The following PPP3CC variants were observed in gnomAD, a reference collection of about 807,000 sequenced individuals.
The protein encoded by PPP3CC is serine/threonine-protein phosphatase 2B catalytic subunit gamma isoform.
PPP3CC carries 35 observed loss-of-function variants against 60.3 expected under a neutral mutation model. The observed-to-expected ratio is 0.58, with a 90% confidence interval of 0.44 to 0.77. The LOEUF is 0.77. Ranked by LOEUF, PPP3CC falls within the 30% of genes least tolerant of loss-of-function variation. The pLI is 0.00. For missense variants in PPP3CC, 570 were observed against 628.9 expected, an observed-to-expected ratio of 0.91 and a Z score of 1.00; for synonymous variants, 206 against 224.3, an observed-to-expected ratio of 0.92 and a Z score of 0.73.
intron 4 of PPP3CC, among the ~76,000 whole-genome samples, chr8:22,509,476 A>G (rs1276856888): frequency 1.3e-5 from 2 of 152,148 alleles, no homozygotes; most frequent in African/African-American, 2.4e-5. Flanking sequence ...TTCTCTACCC[A>G]CACACATCCC....
At chr8:22,461,690 C>T (rs572647450) in intron 1 of PPP3CC, among the ~76,000 whole-genome samples, 206 of 151,824 alleles carry the variant, frequency 1.4e-3, no homozygotes, top group Non-Finnish European at 2.4e-3. Context: ...TAACATACAT[C>T]AGAAGAGCTG....
chr8:22,457,452 A>G (rs539497256), intron 1 of PPP3CC, among the ~76,000 whole-genome samples: 2 of 152,022 alleles, frequency 1.3e-5, no homozygotes, highest in African/African-American at 4.8e-5. Context: ...ACAGGTGCAC[A>G]CCACCATGCC....
At chr8:22,496,787 G>A (rs1838601028) in intron 3 of PPP3CC, among the ~76,000 whole-genome samples, 1 of 151,972 alleles carries the variant, frequency 6.6e-6, no homozygotes, top group Non-Finnish European at 1.5e-5. Context: ...GTAAGCCATT[G>A]TGCCCGGCTG....
intron 12 of PPP3CC, 103 bp downstream of exon 12, chr8:22,533,121 G>T: frequency 1.2e-6 from 1 of 818,474 alleles, no homozygotes; most frequent in Non-Finnish European, 1.8e-6. Flanking sequence ...CACGAGAGCA[G>T]TTGGTTATAC....
At chr8:22,519,643 G>A (rs769979147) in intron 6 of PPP3CC, among the ~76,000 whole-genome samples, 1 of 152,038 alleles carries the variant, frequency 6.6e-6, no homozygotes, top group African/African-American at 2.4e-5. Flanking sequence ...CACACCTAAT[G>A]TAATTAATTT....
intron 8 of PPP3CC, among the ~76,000 whole-genome samples, chr8:22,525,488 TTTC>T (rs1415750161): frequency 3.4e-5 from 5 of 148,196 alleles, no homozygotes; most frequent in African/African-American, 5.1e-5. Context: ...TCTGCTTCCT[TTTC>T]TTCTTTCTTT....
At chr8:22,442,577 G>A (rs1042842799) in intron 1 of PPP3CC, among the ~76,000 whole-genome samples, 1 of 152,104 alleles carries the variant, frequency 6.6e-6, no homozygotes, top group Non-Finnish European at 1.5e-5. Flanking sequence ...TAATTATAAT[G>A]GGATTTTTGA....
At chr8:22,528,625 G>T in intron 10 of PPP3CC, 48 bp downstream of exon 10, 6 of 1,336,512 alleles carry the variant, frequency 4.5e-6, no homozygotes, top group Non-Finnish European at 6.1e-6. Context: ...GTTTGGTTTT[G>T]GTTTTAGTTG....
intron 12 of PPP3CC, among the ~76,000 whole-genome samples, chr8:22,539,031 G>A (rs998393555): frequency 6.6e-6 from 1 of 151,992 alleles, no homozygotes; most frequent in African/African-American, 2.4e-5. Context: ...CTCCAAATAA[G>A]TCACTTGAGA....
intron 1 of PPP3CC, among the ~76,000 whole-genome samples, chr8:22,451,108 G>A (rs1837008087): frequency 6.7e-6 from 1 of 149,392 alleles, no homozygotes; most frequent in Non-Finnish European, 1.5e-5. Flanking sequence ...CAAAGTGCTG[G>A]GATTACAGGC....
chr8:22,532,577 C>G (rs1379431162), intron 11 of PPP3CC, among the ~76,000 whole-genome samples: 1 of 152,140 alleles, frequency 6.6e-6, no homozygotes, highest in Admixed American at 6.6e-5. Context: ...CTCTTCTTAC[C>G]TGTGTGATCT....
chr8:22,466,278 G>A (rs1420739471), intron 1 of PPP3CC, among the ~76,000 whole-genome samples: 2 of 152,112 alleles, frequency 1.3e-5, no homozygotes, highest in African/African-American at 4.8e-5. Context: ...GCTATTGTGA[G>A]CAGTGCTGCA....
intron 1 of PPP3CC, among the ~76,000 whole-genome samples, chr8:22,450,007 C>T (rs918185246): frequency 6.6e-6 from 1 of 151,740 alleles, no homozygotes; most frequent in African/African-American, 2.4e-5. Context: ...GCTGGGATTA[C>T]AGGTGTGCGC....
chr8:22,511,151 G>C lies in PPP3CC; in HGVS notation c.550G>C (p.Ala184Pro). 6.2e-7 allele frequency: 1 copy of C among 1,613,828 alleles called. No individual in the cohort carries two copies. The highest frequency in any genetic ancestry group is 8.5e-7 in the Non-Finnish European group (1 of 1,179,746). The part of the protein sequence containing the change: ...CMETFDCLPL[A>P]ALLNQQFLCV... ...GGAGACATTTGACTGTCTTCCTCTT[G>C]CTGCCCTCTTAAACCAGCAGTTTCT... is the stretch of plus-strand genomic sequence containing the variant. The change falls in exon 5 of 14, where the codon GCT becomes CCT. Residue 184 changes from alanine to proline, a missense_variant. Transcript: ENST00000240139.
chr8:22,444,515 C>T (rs1836767562), intron 1 of PPP3CC, among the ~76,000 whole-genome samples: 1 of 152,182 alleles, frequency 6.6e-6, no homozygotes, highest in Admixed American at 6.5e-5. Context: ...ACCTATTCTA[C>T]AGCATAATGG....
chr8:22,492,952 G>T, intron 3 of PPP3CC: 2 of 1,259,686 alleles, frequency 1.6e-6, no homozygotes, highest in Non-Finnish European at 2.3e-6. Context: ...TGTCTGACTA[G>T]TTTAAGGAGA....
chr8:22,486,799 G>A (rs1333316972), intron 3 of PPP3CC, among the ~76,000 whole-genome samples: 1 of 149,536 alleles, frequency 6.7e-6, no homozygotes, highest in African/African-American at 2.5e-5. Context: ...GCACCATCTC[G>A]GCTCACTGCA....
intron 6 of PPP3CC, among the ~76,000 whole-genome samples, chr8:22,517,802 A>G (rs1839293049): frequency 6.6e-6 from 1 of 151,358 alleles, no homozygotes. Context: ...TCAAAAACCA[A>G]CTCTTAGTTT....
intron 11 of PPP3CC, 146 bp from the exon 12 acceptor site, chr8:22,532,775 A>C (rs28764005): frequency 1.8e-6 from 1 of 541,426 alleles, no homozygotes; most frequent in Non-Finnish European, 3.3e-6. Flanking sequence ...TGTGGAAAAC[A>C]TCCCTTTCTT....
Sources: gnomAD v4.1 joint callset for allele counts (sites outside exome capture counted in the v4.1 genomes callset) on GRCh38, gnomAD v4.1.1 for gene constraint, MANE v1.5 for transcripts, NCBI Gene and HGNC (gene_info 2026-07-23, HGNC 2026-07-21) for gene names.